Variants in USP21 observed in about 807,000 individuals in gnomAD.
The protein encoded by USP21 is ubiquitin carboxyl-terminal hydrolase 21.
In USP21, 37 loss-of-function variants were observed where a neutral mutation model predicts 70.8. That is an observed-to-expected ratio of 0.52 (90% CI 0.40 to 0.69). USP21 has a LOEUF of 0.69. Among genes scored for constraint, USP21 ranks in the 30% least tolerant of loss-of-function variants. The pLI is 0.00. For synonymous variants in USP21, 263 were observed against 283.1 expected, an observed-to-expected ratio of 0.93 and a Z score of 0.71; for missense variants, 584 against 740.8, an observed-to-expected ratio of 0.79 and a Z score of 2.46.
Position 161,159,573 on chromosome 1 carries a change from A to C in USP21, c.-268A>C, listed in dbSNP as rs1365200626. On this transcript the variant is annotated 5_prime_UTR_variant, in exon 1 of 14. Transcript: ENST00000368002. The stretch of plus-strand genomic sequence containing the variant: ...GCGATCTGGGCAACGGCTGCGGCTA[A>C]AGCTGCAGCCGGGCCCACGGGGGGG... The C allele has an allele frequency of 6.6e-6, 1 of 151,894 alleles. No homozygotes were observed. The highest frequency in any genetic ancestry group is 2.4e-5 in the African/African-American group (1 of 41,324). 9.4% of individuals were successfully genotyped at this position (151,894 alleles called of 1,614,324 possible). A position where few individuals can be genotyped will look rare whatever the true frequency, so the allele number is the denominator to read the frequency against.
chr1:161,162,461 CT>C lies in USP21; in HGVS notation c.781+72del, dbSNP rs1252466472. 6.4e-7 allele frequency: 1 copy of C among 1,562,978 alleles called. No individual in the cohort carries two copies. The highest frequency in any genetic ancestry group is 1.4e-5 in the African/African-American group (1 of 73,522). ...CAACCACTTGCAGGTCCATCTGCCA[CT>C]GGTGGTGGCCCCCAACCCTTAAATC... On this transcript the variant is annotated intron_variant, in intron 5 of 13. Transcript: ENST00000368002. The surrounding 1 kb of genome is among the most constrained non-coding windows in gnomAD (Gnocchi z 4.1).
At position 161,160,923 on chromosome 1, in the gene USP21, C is replaced by T. The variant is rs754044354; in HGVS notation, c.283C>T (p.Pro95Ser). Residue 95 changes from proline to serine, a missense_variant, in exon 3 of 14, where the codon CCC (proline) becomes TCC (serine). Pro to Ser is a moderately conservative substitution (Grantham distance 74). Coordinates refer to ENST00000368002, the MANE Select transcript of USP21 (RefSeq NM_001014443.3). ...DHGVPLPGSP[P>S]PTVALPLPSR... ...TGGGGTTCCCCTGCCTGGCTCACCA[C>T]CCCCAACAGTGGCTTTGCCTCTCCC... is the stretch of plus-strand genomic sequence containing the variant. 1 of 1,614,238 alleles carries T rather than the reference C, an allele frequency of 6.2e-7. No individual in the cohort carries two copies. The highest frequency in any genetic ancestry group is 1.1e-5 in the South Asian group (1 of 91,084).
rs774391961 is a variant in USP21, at chr1:161,162,025, T to G, written c.601-13T>G. On this transcript the variant is annotated splice_polypyrimidine_tract_variant and intron_variant, in intron 3 of 13. Transcript: ENST00000368002. The surrounding 1 kb of genome is among the most constrained non-coding windows in gnomAD (Gnocchi z 4.1). The stretch of plus-strand genomic sequence containing the variant: ...ATATATAGGAACTTGCCGATTGTAC[T>G]CTGACCTTCCAGGCTCATCACACAC... The G allele has an allele frequency of 6.2e-6, 10 of 1,614,040 alleles. No homozygotes were observed. Among genetic ancestry groups the G allele is most frequent in the Non-Finnish European group, 8.5e-6 (10 of 1,180,006 alleles).
intron 1 of USP21, among the ~76,000 whole-genome samples, chr1:161,160,012 G>C (rs1037978832): frequency 2.0e-5 from 3 of 152,230 alleles, no homozygotes; most frequent in Non-Finnish European, 2.9e-5. Context: ...GAGGTCGGAG[G>C]TGGGGGAGGG....
rs747118690 is a variant in USP21, at chr1:161,160,687, C to G, written c.47C>G (p.Pro16Arg). 8.1e-6 allele frequency: 13 copies of G among 1,614,212 alleles called. No homozygotes were observed. Among genetic ancestry groups the G allele is most frequent in the Non-Finnish European group, 1.1e-5 (13 of 1,180,032 alleles). Residue 16 changes from proline to arginine, a missense_variant, in exon 3 of 14, where the codon CCT becomes CGT. Physicochemically the swap from Pro to Arg is moderately radical, Grantham distance 103. This residue lies in a region of USP21 where 284 missense variants were observed against 281.0 expected (regional missense o/e 1.01). Coordinates refer to ENST00000368002, the MANE Select transcript of USP21 (RefSeq NM_001014443.3). ...CGCCTGGGCCGTACCCGAGAGCCAC[C>G]TGTTAATATCCAGCCCCGAGTGGGA... Reference protein sequence around the residue: ...EHRLGRTREPPVNIQPRVGSK... With the variant: ...EHRLGRTREPRVNIQPRVGSK...
At position 161,161,037 on chromosome 1, in the gene USP21, G is replaced by C; in HGVS notation, c.397G>C (p.Gly133Arg). 6.2e-7 allele frequency: 1 copy of C among 1,614,212 alleles called. No individual in the cohort carries two copies. Among genetic ancestry groups the C allele is most frequent in the Non-Finnish European group, 8.5e-7 (1 of 1,180,048 alleles). ...GIALGGHRGTGELGAALSRLA... is the reference protein window; with the variant it reads ...GIALGGHRGTRELGAALSRLA... ...TGCCTTGGGAGGGCACCGTGGCACC[G>C]GAGAGCTTGGGGCTGCACTGAGCCG... Residue 133 changes from glycine (G) to arginine (R), a missense_variant, in exon 3 of 14, where the codon GGA becomes CGA. Coordinates refer to ENST00000368002, the MANE Select transcript of USP21 (RefSeq NM_001014443.3). This position sits in a 1 kb window ranked among gnomAD's most constrained non-coding sequence, Gnocchi z 4.2.
Position 161,161,021 on chromosome 1 carries a change from A to G in USP21, c.381A>G (p.Gly127=). The G allele has an allele frequency of 6.2e-7, 1 of 1,614,166 alleles. No individual in the cohort carries two copies. The highest frequency in any genetic ancestry group is 8.5e-7 in the Non-Finnish European group (1 of 1,180,020). ...GDLRPMGIAL[G]GHRGTGELGA... The stretch of plus-strand genomic sequence containing the variant: ...TGCGTCCAATGGGGATTGCCTTGGG[A>G]GGGCACCGTGGCACCGGAGAGCTTG... Residue 127 remains glycine (G), a synonymous_variant, in exon 3 of 14, where the codon GGA becomes GGG. Transcript: ENST00000368002. This position sits in a 1 kb window ranked among gnomAD's most constrained non-coding sequence, Gnocchi z 4.2.
chr1:161,163,573 C>T lies in USP21; in HGVS notation c.1068C>T (p.Asn356=). 10 of 1,612,886 alleles carry T rather than the reference C, an allele frequency of 6.2e-6. No homozygotes were observed. The highest frequency in any genetic ancestry group is 8.5e-6 in the Non-Finnish European group (10 of 1,179,892). The change falls in exon 8 of 14, where the codon AAC becomes AAT. Residue 356 remains asparagine, a synonymous_variant. Coordinates refer to ENST00000368002, the MANE Select transcript of USP21 (RefSeq NM_001014443.3). ...GTGGTAGTGATGATGACCGAGCCAA[C>T]CTAATGTGGAAACGTTACCTGGAGC... is the stretch of plus-strand genomic sequence containing the variant. ...EPELSDDDRA[N]LMWKRYLERE...
intron 1 of USP21, 41 bp from the exon 2 acceptor site, chr1:161,160,325 A>G (rs1200056026): frequency 5.1e-6 from 2 of 392,290 alleles, no homozygotes; most frequent in African/African-American, 4.0e-5. Flanking sequence ...TGTTTACCCA[A>G]TAGATACTAA....
Position 161,162,987 on chromosome 1 carries a change from G to A in USP21, c.962G>A (p.Gly321Asp), listed in dbSNP as rs17356051. Residue 321 changes from glycine (G) to aspartate (D), a missense_variant, in exon 7 of 14, where the codon GGC (glycine) becomes GAC (aspartate). Gly to Asp is a moderately conservative substitution (Grantham distance 94). Coordinates refer to ENST00000368002, the MANE Select transcript of USP21 (RefSeq NM_001014443.3). This position sits in a 1 kb window ranked among gnomAD's most constrained non-coding sequence, Gnocchi z 4.1. ...CTACACCTTGAAATCAACCGCCGAG[G>A]CCGCCGGGCTCCACCGATACTTGCC... ...ERLHLEINRR[G>D]RRAPPILANG... The A allele has an allele frequency of 0.055, 88,267 of 1,613,734 alleles. 2,751 individuals carry two copies. Among genetic ancestry groups the A allele is most frequent in the Non-Finnish European group, 0.063 (74,602 of 1,179,826 alleles).
chr1:161,160,246 G>GTGT (rs1223146493), intron 1 of USP21, 120 bp from the exon 2 acceptor site: 1 of 201,494 alleles, frequency 5.0e-6, no homozygotes, highest in Non-Finnish European at 1.0e-5. Context: ...CAGTAAAGAT[G>GTGT]TGTTCTGCAG....
In USP21 at chr1:161,160,935, G is replaced by T. The variant is rs1027738645; in HGVS notation, c.295G>T (p.Ala99Ser). The change falls in exon 3 of 14, where the codon GCT (alanine) becomes TCT (serine). Residue 99 changes from alanine to serine, a missense_variant. Ala to Ser is a moderately conservative substitution (Grantham distance 99). Transcript: ENST00000368002. ...GCCTGGCTCACCACCCCCAACAGTG[G>T]CTTTGCCTCTCCCATCTCGGACCAA... ...PLPGSPPPTV[A>S]LPLPSRTNLA... is the part of the protein sequence containing the mutation. 3 of 1,614,250 alleles carry T rather than the reference G, an allele frequency of 1.9e-6. 1 individual carries two copies. In the South Asian group the frequency reaches 3.3e-5, roughly 18 times the overall value.
At position 161,162,922 on chromosome 1, in the gene USP21, G is replaced by A; in HGVS notation, c.897G>A (p.Gln299=). The part of the protein sequence containing the change: ...KYVPSFSGYS[Q]QDAQEFLKLL... ...CATACTCTTTGTCTGGCTGTAGCCAGCAGGATGCCCAAGAGTTCCTGAAGC... is the reference window on the plus strand; with the variant it reads ...CATACTCTTTGTCTGGCTGTAGCCAACAGGATGCCCAAGAGTTCCTGAAGC... The change falls in exon 7 of 14, where the codon CAG becomes CAA. Residue 299 remains glutamine, a synonymous_variant. Transcript: ENST00000368002. This position sits in a 1 kb window ranked among gnomAD's most constrained non-coding sequence, Gnocchi z 4.1. The A allele has an allele frequency of 6.2e-7, 1 of 1,608,642 alleles. No individual in the cohort carries two copies. Among genetic ancestry groups the A allele is most frequent in the Non-Finnish European group, 8.5e-7 (1 of 1,177,026 alleles).
rs753471183 is a variant in USP21 at position 161,161,116 on chromosome 1, G to A, written c.476G>A (p.Arg159His). ...TTGAGACGTAGCACTTCTCTCCGCC[G>A]CCTAGGGGGCTTTCCTGGACCCCCT... is the stretch of plus-strand genomic sequence containing the variant. ...PTLRRSTSLR[R>H]LGGFPGPPTL... The change falls in exon 3 of 14, where the codon CGC (arginine) becomes CAC (histidine). Residue 159 changes from arginine to histidine, a missense_variant. Physicochemically the swap from Arg to His is conservative, Grantham distance 29. Coordinates refer to ENST00000368002, the MANE Select transcript of USP21 (RefSeq NM_001014443.3). This position sits in a 1 kb window ranked among gnomAD's most constrained non-coding sequence, Gnocchi z 4.2. 2.4e-5 allele frequency: 39 copies of A among 1,614,054 alleles called. No homozygotes were observed. The highest frequency in any genetic ancestry group is 7.7e-5 in the South Asian group (7 of 91,092).
At position 161,164,835 on chromosome 1, in the gene USP21, A is replaced by G; in HGVS notation, c.1385A>G (p.His462Arg). ...VQRFPRILVLHLNRFSASRGS... is the reference protein window; with the variant it reads ...VQRFPRILVLRLNRFSASRGS... Reference sequence around the variant, plus strand: ...CAAATGCTCCTTAACCAGGGCTTAGATCTGAATCGATTTTCTGCCTCCCGA... The same window carrying G: ...CAAATGCTCCTTAACCAGGGCTTAGGTCTGAATCGATTTTCTGCCTCCCGA... The change falls in exon 12 of 14, where the codon CAT becomes CGT. Residue 462 changes from histidine to arginine, a missense_variant and splice_region_variant. By Grantham distance (29) the His-to-Arg change is conservative. Coordinates refer to ENST00000368002, the MANE Select transcript of USP21 (RefSeq NM_001014443.3). This position sits in a 1 kb window ranked among gnomAD's most constrained non-coding sequence, Gnocchi z 4.2. 1.2e-6 allele frequency: 2 copies of G among 1,613,482 alleles called. No homozygotes were observed. The highest frequency in any genetic ancestry group is 1.7e-6 in the Non-Finnish European group (2 of 1,179,774).
At position 161,160,852 on chromosome 1, in the gene USP21, GA is replaced by G; in HGVS notation, c.213del (p.Arg72GlyfsTer37). On this transcript the variant is annotated frameshift_variant, in exon 3 of 14. Transcript: ENST00000368002. LOFTEE classifies it high-confidence loss of function. ...CTCAAGAAACTGGAGCTGGGACGGG[GA>G]CGGACCTCAGGCCCTCGTCCCAGAG... ...ERLKKLELGR[G>X]RTSGPRPRGP... 6.2e-7 allele frequency: 1 copy of G among 1,614,236 alleles called. No homozygotes were observed. The highest frequency in any genetic ancestry group is 8.5e-7 in the Non-Finnish European group (1 of 1,180,048).
chr1:161,160,554 C>A, intron 2 of USP21, 48 bp downstream of exon 2: 1 of 1,465,620 alleles, frequency 6.8e-7, no homozygotes, highest in Non-Finnish European at 9.3e-7. Flanking sequence ...TGGCAGGGTT[C>A]AGTACAGCAG....
chr1:161,163,896 T>A lies in USP21; in HGVS notation c.1133T>A (p.Leu378Ter). ...SKIVDLFVGQ[L>*]KSCLKCQACG... ...TGTCTAGACCTGTTTGTGGGCCAGT[T>A]GAAAAGTTGTCTCAAGTGCCAGGCC... The change falls in exon 9 of 14, where the codon TTG (leucine) becomes TAG (stop). Residue 378 changes from leucine to a stop codon, truncating the protein, a stop_gained. Transcript: ENST00000368002. LOFTEE classifies it high-confidence loss of function. 1 of 1,614,118 alleles carries A rather than the reference T, an allele frequency of 6.2e-7. No homozygotes were observed.
At chr1:161,163,785 T>G in intron 8 of USP21, 93 bp from the exon 9 acceptor site, 1 of 1,374,492 alleles carries the variant, frequency 7.3e-7, no homozygotes, top group African/African-American at 1.4e-5. Flanking sequence ...AAAGGAAGGG[T>G]CAAGCAAAGG....
Sources: allele counts gnomAD v4.1 joint callset (sites outside exome capture counted in the v4.1 genomes callset), GRCh38; gene constraint gnomAD v4.1.1; regional missense constraint gnomAD v4.1.1; non-coding constraint Gnocchi (gnomAD v3.1); transcripts MANE v1.5; gene names NCBI Gene and HGNC (gene_info 2026-07-23, HGNC 2026-07-21).